Variants in RASA2 observed in about 807,000 individuals in gnomAD.
RASA2 encodes RAS p21 protein activator 2, also known as ras GTPase-activating protein 2.
Under a neutral mutation model 118.2 loss-of-function variants are expected in RASA2, and 155 were observed. The observed-to-expected ratio is 1.31, with a 90% CI of 1.15 to 1.50. RASA2 has a LOEUF of 1.50. Among genes scored for constraint, RASA2 ranks in the 40% most tolerant of loss-of-function variants. RASA2 has a pLI of 0.00. For missense variants in RASA2, 1,016 were observed against 1,009.6 expected, an observed-to-expected ratio of 1.01 and a Z score of -0.09; for synonymous variants, 353 against 349.1, an observed-to-expected ratio of 1.01 and a Z score of -0.12.
At chr3:141,599,196 CAT>C (rs1479413269) in intron 19 of RASA2, among the ~76,000 whole-genome samples, 2 of 149,434 alleles carry the variant, frequency 1.3e-5, no homozygotes, top group Non-Finnish European at 3.0e-5. Context: ...TAAAAAGAGA[CAT>C]GTCATGTTTG....
At chr3:141,508,376 G>A (rs1032002951) in intron 1 of RASA2, among the ~76,000 whole-genome samples, 1 of 151,582 alleles carries the variant, frequency 6.6e-6, no homozygotes, top group Non-Finnish European at 1.5e-5. Flanking sequence ...GTGGTTTTTT[G>A]GGTTTTTTTT....
At chr3:141,559,232 G>A (rs759383436) in intron 8 of RASA2, among the ~76,000 whole-genome samples, 1 of 151,968 alleles carries the variant, frequency 6.6e-6, no homozygotes, top group Non-Finnish European at 1.5e-5. Context: ...TTCCCAAATT[G>A]TTCCTTACAT....
chr3:141,597,024 A>T (rs971876664), intron 19 of RASA2, among the ~76,000 whole-genome samples: 1 of 152,234 alleles, frequency 6.6e-6, no homozygotes, highest in Non-Finnish European at 1.5e-5. Flanking sequence ...TATTCACAAT[A>T]GCCAAAAACT....
Position 141,529,863 on chromosome 3 carries a change from T to C in RASA2, c.450+61T>C, listed in dbSNP as rs531194402. ...CACAGGAAATGAGTAAAAAATGAAC[T>C]AATTAAACTGGTTCATGTAAATAGA... is the stretch of plus-strand genomic sequence containing the variant. On this transcript the variant is annotated intron_variant, in intron 4 of 23. Transcript: ENST00000286364. 4 of 1,258,098 alleles carry C rather than the reference T, an allele frequency of 3.2e-6. No individual in the cohort carries two copies. In the South Asian group the frequency reaches 5.1e-5, roughly 16 times the overall value. 77.9% of individuals were successfully genotyped at this position (1,258,098 alleles called of 1,614,324 possible).
chr3:141,520,343 C>A (rs1049737219), intron 3 of RASA2, among the ~76,000 whole-genome samples: 2 of 151,994 alleles, frequency 1.3e-5, no homozygotes, highest in African/African-American at 4.8e-5. Context: ...CAGGGATTGG[C>A]AGAAGCAGAG....
intron 5 of RASA2, among the ~76,000 whole-genome samples, chr3:141,547,945 A>G (rs1306620138): frequency 6.6e-6 from 1 of 152,140 alleles, no homozygotes; most frequent in Non-Finnish European, 1.5e-5. Context: ...AAATGATCAT[A>G]TGGTTCTTGC....
chr3:141,520,669 T>C (rs2082099035), intron 3 of RASA2, among the ~76,000 whole-genome samples: 1 of 152,152 alleles, frequency 6.6e-6, no homozygotes, highest in Non-Finnish European at 1.5e-5. Flanking sequence ...CACACACATA[T>C]ATACACATAC....
intron 19 of RASA2, among the ~76,000 whole-genome samples, chr3:141,602,695 G>C (rs552217556): frequency 6.6e-6 from 1 of 152,160 alleles, no homozygotes; most frequent in African/African-American, 2.4e-5. Context: ...TCCCTAGGGG[G>C]CCTCACCTGA....
chr3:141,539,733 G>T (rs1052645359), intron 4 of RASA2, among the ~76,000 whole-genome samples: 1 of 152,140 alleles, frequency 6.6e-6, no homozygotes, highest in Non-Finnish European at 1.5e-5. Flanking sequence ...ATCACCAGCG[G>T]CAGGTTAGAA....
intron 5 of RASA2, among the ~76,000 whole-genome samples, chr3:141,552,403 C>T (rs1221089027): frequency 2.0e-5 from 3 of 152,168 alleles, no homozygotes; most frequent in Non-Finnish European, 4.4e-5. Context: ...TGGCCAGCTT[C>T]TTACAAGTTA....
chr3:141,488,559 C>T (rs2081605348), intron 1 of RASA2, among the ~76,000 whole-genome samples: 1 of 152,088 alleles, frequency 6.6e-6, no homozygotes, highest in East Asian at 1.9e-4. Context: ...TGAGGTAGTC[C>T]TGGGGCTCTT....
At chr3:141,609,308 T>A in intron 21 of RASA2, 112 bp from the exon 22 acceptor site, 1 of 584,496 alleles carries the variant, frequency 1.7e-6, no homozygotes, top group Non-Finnish European at 2.7e-6. Flanking sequence ...TTTCCAGACT[T>A]CCTTCTGCAA....
intron 1 of RASA2, among the ~76,000 whole-genome samples, chr3:141,489,314 T>G (rs527795249): frequency 1.3e-5 from 2 of 152,360 alleles, no homozygotes; most frequent in South Asian, 4.1e-4. Flanking sequence ...AATCCACAGT[T>G]GGTTGACATT....
rs775948272 is a variant in RASA2 at position 141,487,143 on chromosome 3, G to T, written c.60G>T (p.Ala20=). ...CTTCCGAGGCGCCAGCGGCGAGTGCGACTGCAGAGCCCGAGGCCGGGGACC... is the reference window on the plus strand; with the variant it reads ...CTTCCGAGGCGCCAGCGGCGAGTGCTACTGCAGAGCCCGAGGCCGGGGACC... ...AASSEAPAAS[A]TAEPEAGDQD... is the part of the protein sequence containing the mutation. The change falls in exon 1 of 24, where the codon GCG becomes GCT. Residue 20 remains alanine (A), a synonymous_variant. Transcript: ENST00000286364. The T allele has an allele frequency of 2.7e-6, 4 of 1,456,510 alleles. No individual in the cohort carries two copies. The Admixed American group carries it at 9.7e-5, about 35-fold the overall frequency. 90.2% of individuals were successfully genotyped at this position (1,456,510 alleles called of 1,614,324 possible).
intron 21 of RASA2, 45 bp downstream of exon 21, chr3:141,608,742 A>T (rs754739073): frequency 6.5e-7 from 1 of 1,542,170 alleles, no homozygotes; most frequent in South Asian, 1.1e-5. Context: ...AAAATTTGAT[A>T]TATCCATGCA....
At chr3:141,569,135 G>A (rs550094423) in intron 9 of RASA2, among the ~76,000 whole-genome samples, 9 of 152,112 alleles carry the variant, frequency 5.9e-5, no homozygotes, top group South Asian at 2.1e-4. Context: ...ACAAGAAAAC[G>A]CCTTTTTAAA....
At chr3:141,540,003 A>G (rs923548717) in intron 4 of RASA2, among the ~76,000 whole-genome samples, 1 of 152,086 alleles carries the variant, frequency 6.6e-6, no homozygotes, top group African/African-American at 2.4e-5. Flanking sequence ...ATGGATTCCT[A>G]CCCACTCCCA....
In RASA2 at chr3:141,541,170, A is replaced by T. The variant is rs148966333; in HGVS notation, c.527+561A>T. Among the ~76,000 whole-genome samples, 244 of 152,138 alleles carry T rather than the reference A, an allele frequency of 1.6e-3. 2 individuals are homozygous for T. The highest frequency in any genetic ancestry group is 0.014 in the Admixed American group (211 of 15,282). On this transcript the variant is annotated intron_variant, in intron 5 of 23. Coordinates refer to ENST00000286364, the MANE Select transcript of RASA2 (RefSeq NM_006506.5). Reference sequence around the variant, plus strand: ...ATCAATAGACTGCCAGATAACCTTCACTTCTTCTGGGTGTTTTCCTCTATT... The same window carrying T: ...ATCAATAGACTGCCAGATAACCTTCTCTTCTTCTGGGTGTTTTCCTCTATT...
At chr3:141,504,634 G>A (rs2081836711) in intron 1 of RASA2, among the ~76,000 whole-genome samples, 1 of 152,034 alleles carries the variant, frequency 6.6e-6, no homozygotes, top group Admixed American at 6.6e-5. Flanking sequence ...TACTACAGTA[G>A]CCTCCTATCT....
Sources: gnomAD v4.1 joint callset for allele counts (sites outside exome capture counted in the v4.1 genomes callset) on GRCh38, gnomAD v4.1.1 for gene constraint, MANE v1.5 for transcripts, NCBI Gene and HGNC (gene_info 2026-07-23, HGNC 2026-07-21) for gene names.